ANTXRL: variants seen among roughly 807,000 people sequenced by gnomAD.
The protein encoded by ANTXRL is ANTXR like.
ANTXRL carries 63 observed loss-of-function variants against 75.4 expected under a neutral mutation model. That is an observed-to-expected ratio of 0.84 (90% CI 0.68 to 1.03). The LOEUF is 1.03. ANTXRL is among the 50% of genes least tolerant of loss of function. The pLI is 0.00. For missense variants in ANTXRL, 797 were observed against 789.4 expected (o/e 1.01, Z -0.12); for synonymous variants, 335 against 291.3 (o/e 1.15, Z -1.53).
chr10:46,310,754 T>C (rs1838373493), intron 14 of ANTXRL, among the ~76,000 whole-genome samples: 1 of 152,076 alleles, frequency 6.6e-6, no homozygotes, highest in South Asian at 2.1e-4. Context: ...GCAACTGTGA[T>C]GATCTGTCCT....
chr10:46,287,201 G>A lies in ANTXRL; in HGVS notation c.-62G>A. 6.6e-7 allele frequency: 1 copy of A among 1,514,218 alleles called. No homozygotes were observed. Among genetic ancestry groups the A allele is most frequent in the Non-Finnish European group, 8.8e-7 (1 of 1,137,902 alleles). 93.8% of individuals were successfully genotyped at this position (1,514,218 alleles called of 1,614,324 possible). On this transcript the variant is annotated 5_prime_UTR_variant, in exon 1 of 17. Coordinates refer to ENST00000620264, the MANE Select transcript of ANTXRL (RefSeq NM_001278688.3). ...GCGGCAAAGAAGGGGCCTGTGCTCA[G>A]CCTCTCTGGGCCCTGGCACAGGCAC...
chr10:46,323,589 G>A (rs1839079089), intron 16 of ANTXRL, among the ~76,000 whole-genome samples: 1 of 152,172 alleles, frequency 6.6e-6, no homozygotes, highest in African/African-American at 2.4e-5. Context: ...CTCGGATGAA[G>A]CTTCCAACTT....
intron 10 of ANTXRL, among the ~76,000 whole-genome samples, chr10:46,304,933 A>G (rs1270145181): frequency 3.9e-5 from 6 of 152,294 alleles, no homozygotes; most frequent in African/African-American, 1.2e-4. Context: ...CTACATCTCC[A>G]TACACAGGCC....
intron 16 of ANTXRL, among the ~76,000 whole-genome samples, chr10:46,323,972 A>G (rs1347378054): frequency 6.6e-6 from 1 of 152,188 alleles, no homozygotes; most frequent in Non-Finnish European, 1.5e-5. Context: ...GTTCCAGGCC[A>G]AGGAAAATGT....
intron 1 of ANTXRL, among the ~76,000 whole-genome samples, chr10:46,291,386 T>C (rs1233206333): frequency 2.2e-5 from 2 of 90,838 alleles, no homozygotes; most frequent in Non-Finnish European, 4.7e-5. Flanking sequence ...TGTTCTTCTT[T>C]TTCAGATTTT....
intron 2 of ANTXRL, among the ~76,000 whole-genome samples, chr10:46,292,342 C>T (rs1837027216): frequency 6.6e-6 from 1 of 152,086 alleles, no homozygotes; most frequent in South Asian, 2.1e-4. Flanking sequence ...CCTGTGAGCC[C>T]AGACATATTG....
intron 16 of ANTXRL, among the ~76,000 whole-genome samples, chr10:46,318,149 G>A (rs1554964992): frequency 6.6e-6 from 1 of 152,132 alleles, no homozygotes; most frequent in Non-Finnish European, 1.5e-5. Context: ...TGCTCCGGAG[G>A]ATCCCTCAGC....
chr10:46,326,790 T>C (rs1452147345), intron 16 of ANTXRL, among the ~76,000 whole-genome samples: 1 of 152,108 alleles, frequency 6.6e-6, no homozygotes, highest in African/African-American at 2.4e-5. Flanking sequence ...GTGCTGAACC[T>C]TCTTGAGCCC....
chr10:46,303,691 A>AT (rs1443324514), intron 10 of ANTXRL, among the ~76,000 whole-genome samples: 4 of 151,782 alleles, frequency 2.6e-5, no homozygotes, highest in Non-Finnish European at 5.9e-5. Context: ...GGGCTATAGT[A>AT]TTTTTTTTAA....
chr10:46,327,223 G>A (rs1839262702), intron 16 of ANTXRL, among the ~76,000 whole-genome samples: 5 of 152,118 alleles, frequency 3.3e-5, no homozygotes, highest in Admixed American at 2.6e-4. Flanking sequence ...GGCAGGGTAT[G>A]GAGACCCCAG....
chr10:46,308,515 G>A (rs554873722), intron 12 of ANTXRL: 28 of 444,604 alleles, frequency 6.3e-5, no homozygotes, highest in Admixed American at 3.4e-4. Context: ...GCCTTCCCAC[G>A]GATGCCGCCC....
At chr10:46,318,714 A>T (rs1838848856) in intron 16 of ANTXRL, among the ~76,000 whole-genome samples, 1 of 152,156 alleles carries the variant, frequency 6.6e-6, no homozygotes, top group African/African-American at 2.4e-5. Flanking sequence ...GACAGTGTGT[A>T]TGCAGGTGAG....
At chr10:46,295,455 AGGGTTT>A (rs1341877700) in intron 3 of ANTXRL, among the ~76,000 whole-genome samples, 1 of 146,980 alleles carries the variant, frequency 6.8e-6, no homozygotes, top group East Asian at 2.0e-4. Context: ...GGTTAAGGTT[AGGGTTT>A]GGGTTAGAGT....
At chr10:46,324,565 A>G (rs1254907543) in intron 16 of ANTXRL, among the ~76,000 whole-genome samples, 1 of 152,154 alleles carries the variant, frequency 6.6e-6, no homozygotes, top group Non-Finnish European at 1.5e-5. Context: ...TAAATCTCCT[A>G]CAATTGTTGA....
intron 16 of ANTXRL, among the ~76,000 whole-genome samples, chr10:46,313,763 T>G (rs1554964134): frequency 6.6e-6 from 1 of 152,186 alleles, no homozygotes; most frequent in Non-Finnish European, 1.5e-5. Context: ...ATGCTTTCAC[T>G]GTTTTTATCC....
At chr10:46,293,377 T>TGTGA (rs1403730053) in intron 2 of ANTXRL, among the ~76,000 whole-genome samples, 1 of 142,746 alleles carries the variant, frequency 7.0e-6, no homozygotes, top group Admixed American at 7.1e-5. Context: ...TGTGCCTGTG[T>TGTGA]GTGAGTGTGT....
chr10:46,293,701 C>A, intron 2 of ANTXRL, 128 bp from the exon 3 acceptor site: 1 of 757,374 alleles, frequency 1.3e-6, no homozygotes, highest in Non-Finnish European at 2.2e-6. Context: ...ACATTTATCT[C>A]ACCTCCTTGT....
intron 14 of ANTXRL, 30 bp from the exon 15 acceptor site, chr10:46,311,480 G>T: frequency 1.3e-6 from 2 of 1,511,650 alleles, no homozygotes; most frequent in Non-Finnish European, 1.8e-6. Flanking sequence ...TGCCAGCACT[G>T]TGAGCAGACA....
chr10:46,287,393 C>T lies in ANTXRL; in HGVS notation c.131C>T (p.Ala44Val). The change falls in exon 1 of 17, where the codon GCC becomes GTC. Residue 44 changes from alanine (A) to valine (V), a missense_variant. Physicochemically the swap from Ala to Val is moderately conservative, Grantham distance 64. Coordinates refer to ENST00000620264, the MANE Select transcript of ANTXRL (RefSeq NM_001278688.3). ...GPDWRIFHRL[A>V]LGSRRAHHHH... ...GACTGGAGAATATTTCACCGCCTGG[C>T]CCTGGGCTCCAGGAGAGCCCACCAC... 2 of 1,536,048 alleles carry T rather than the reference C, an allele frequency of 1.3e-6. No individual in the cohort carries two copies. Among genetic ancestry groups the T allele is most frequent in the Non-Finnish European group, 1.7e-6 (2 of 1,146,778 alleles).
Sources: gnomAD v4.1 joint callset for allele counts (sites outside exome capture counted in the v4.1 genomes callset) on GRCh38, gnomAD v4.1.1 for gene constraint, MANE v1.5 for transcripts, NCBI Gene and HGNC (gene_info 2026-07-23, HGNC 2026-07-21) for gene names.